Variants in NFASC observed in about 807,000 individuals in gnomAD.
The protein encoded by NFASC is neurofascin.
NFASC carries 43 observed loss-of-function variants against 147.5 expected under a neutral mutation model. The observed-to-expected ratio is 0.29, with a 90% CI of 0.23 to 0.38. NFASC has a LOEUF of 0.38. Among genes scored for constraint, NFASC ranks in the 10% least tolerant of loss-of-function variants. NFASC has a pLI of 1.00. For missense variants in NFASC, 1,320 were observed against 1,689.0 expected (o/e 0.78, Z 3.83); for synonymous variants, 622 against 665.5 (o/e 0.93, Z 1.01).
intron 11 of NFASC, 114 bp from the exon 12 acceptor site, chr1:204,973,162 T>C (rs2095308280): frequency 1.8e-6 from 2 of 1,102,994 alleles, no homozygotes; most frequent in African/African-American, 1.5e-5. Context: ...TGGCCCCCCA[T>C]CTGGTGCTCC....
intron 1 of NFASC, among the ~76,000 whole-genome samples, chr1:204,851,120 T>G (rs976576046): frequency 3.3e-5 from 5 of 152,158 alleles, no homozygotes; most frequent in African/African-American, 1.2e-4. Flanking sequence ...AACAAAGAAG[T>G]GCATGTAAAT....
intron 1 of NFASC, among the ~76,000 whole-genome samples, chr1:204,848,016 G>C (rs1401416836): frequency 6.6e-6 from 1 of 152,128 alleles, no homozygotes; most frequent in Admixed American, 6.5e-5. Context: ...CTCTGCTTTT[G>C]TCTTCCCATT....
intron 21 of NFASC, chr1:204,985,905 C>T (rs571434120): frequency 1.2e-5 from 20 of 1,608,986 alleles, no homozygotes; most frequent in Admixed American, 1.7e-5. Context: ...GCCTCTGTCC[C>T]GAAGGCCTAC....
At position 204,974,541 on chromosome 1, in the gene NFASC, T is replaced by C. The variant is rs764608742; in HGVS notation, c.1392-116T>C. 41 of 1,250,606 alleles carry C rather than the reference T, an allele frequency of 3.3e-5. 1 individual carries two copies. In the South Asian group the frequency reaches 4.3e-4, roughly 13 times the overall value. 77.5% of individuals were successfully genotyped at this position (1,250,606 alleles called of 1,614,324 possible). ...GACCCTCCGAGGCTCAGGGCTCCAG[T>C]CTCCTAGCATGGGGCTCCTTCCACA... On this transcript the variant is annotated intron_variant, in intron 13 of 29. Coordinates refer to ENST00000339876, the MANE Select transcript of NFASC (RefSeq NM_001005388.3).
At chr1:204,932,476 T>A (rs956485583) in intron 2 of NFASC, among the ~76,000 whole-genome samples, 23 of 151,810 alleles carry the variant, frequency 1.5e-4, no homozygotes, top group African/African-American at 5.6e-4. Flanking sequence ...GGTGTCAGCC[T>A]CAAGAATTTC....
chr1:204,969,810 G>T (rs2095155156), intron 10 of NFASC, among the ~76,000 whole-genome samples: 1 of 152,140 alleles, frequency 6.6e-6, no homozygotes. Context: ...GGGCGTGGTG[G>T]CTCATGCCTG....
intron 16 of NFASC, 147 bp downstream of exon 16, chr1:204,976,942 CAGGGTT>C (rs2150383135): frequency 7.0e-7 from 1 of 1,426,602 alleles, no homozygotes; most frequent in African/African-American, 1.4e-5. Context: ...CTCGTGATGT[CAGGGTT>C]AGGGAGCTGC....
intron 24 of NFASC, among the ~76,000 whole-genome samples, chr1:204,992,336 T>TGG (rs2095754380): frequency 6.6e-6 from 1 of 152,178 alleles, no homozygotes; most frequent in East Asian, 1.9e-4. Flanking sequence ...ATGAAGGGGA[T>TGG]GCCACCTTGC....
intron 2 of NFASC, among the ~76,000 whole-genome samples, chr1:204,921,557 C>T (rs1486207865): frequency 6.6e-6 from 1 of 151,936 alleles, no homozygotes; most frequent in Admixed American, 6.6e-5. Flanking sequence ...GGGGGAGGGG[C>T]GTGGAGAGGG....
At chr1:204,860,043 G>GT (rs1244133335) in intron 1 of NFASC, among the ~76,000 whole-genome samples, 1 of 152,130 alleles carries the variant, frequency 6.6e-6, no homozygotes, top group Non-Finnish European at 1.5e-5. Flanking sequence ...GAAGAGTGTG[G>GT]CGTGGGCTGC....
chr1:204,962,121 T>C (rs746900371), intron 8 of NFASC: 1 of 1,613,694 alleles, frequency 6.2e-7, no homozygotes, highest in Non-Finnish European at 8.5e-7. Flanking sequence ...ACCCTTATAA[T>C]GACTCGTCCT....
At chr1:204,906,662 C>A (rs2085953123) in intron 1 of NFASC, among the ~76,000 whole-genome samples, 1 of 151,090 alleles carries the variant, frequency 6.6e-6, no homozygotes, top group Non-Finnish European at 1.5e-5. Context: ...TATTCTCATG[C>A]AGTTTTTTGT....
chr1:204,997,745 G>A (rs766393817), intron 25 of NFASC: 1 of 428,670 alleles, frequency 2.3e-6, no homozygotes. Context: ...ACCGCCTCCA[G>A]CTACATGTCA....
chr1:204,950,492 C>T (rs954688168), intron 3 of NFASC, 65 bp from the exon 4 acceptor site: 15 of 1,484,754 alleles, frequency 1.0e-5, no homozygotes, highest in Middle Eastern at 1.7e-4. Flanking sequence ...GATGCCTGGG[C>T]GGTTGTGTGC....
At chr1:204,978,934 C>A in intron 17 of NFASC, 34 bp from the exon 18 acceptor site, 1 of 1,506,306 alleles carries the variant, frequency 6.6e-7, no homozygotes, top group Non-Finnish European at 9.0e-7. Context: ...CCTGCTCTAA[C>A]TCAGGAGGCC....
chr1:204,869,762 G>C (rs1342898414), intron 1 of NFASC, among the ~76,000 whole-genome samples: 1 of 152,126 alleles, frequency 6.6e-6, no homozygotes, highest in African/African-American at 2.4e-5. Context: ...CTGCTCCAGA[G>C]CTCTTATAAT....
At chr1:204,991,411 G>A in intron 24 of NFASC, 105 bp downstream of exon 24, 2 of 1,187,884 alleles carry the variant, frequency 1.7e-6, no homozygotes, top group Non-Finnish European at 2.4e-6. Flanking sequence ...CTGAAAGCAT[G>A]CTCCAGACTC....
chr1:204,982,887 C>T lies in NFASC; in HGVS notation c.2470+867C>T, dbSNP rs113029489. On this transcript the variant is annotated intron_variant, in intron 21 of 29. Transcript: ENST00000339876. ...AACTTAGAAGGAGCAGTCAAGAGTA[C>T]GGCCAGTGGCATTCCTAACAGTGAG... is the stretch of plus-strand genomic sequence containing the variant. 1.7e-4 allele frequency among the ~76,000 whole-genome samples: 26 copies of T among 152,278 alleles called. 1 individual carries two copies. The highest frequency in any genetic ancestry group is 6.8e-3 in the Middle Eastern group (2 of 294).
In NFASC at chr1:204,957,898, A is replaced by G. The variant is rs557262084; in HGVS notation, c.706+72A>G. Reference sequence around the variant, plus strand: ...CCACTGATCCCACCCAGCCCTAGGTACCTGAGTCTATAGGGGGAGACTTGT... The same window carrying G: ...CCACTGATCCCACCCAGCCCTAGGTGCCTGAGTCTATAGGGGGAGACTTGT... On this transcript the variant is annotated intron_variant, in intron 8 of 29. Coordinates refer to ENST00000339876, the MANE Select transcript of NFASC (RefSeq NM_001005388.3). The G allele has an allele frequency of 2.7e-4, 393 of 1,440,140 alleles. 3 individuals are homozygous for G. The South Asian group carries it at 4.4e-3, about 16-fold the overall frequency. 89.2% of individuals were successfully genotyped at this position (1,440,140 alleles called of 1,614,324 possible).
Sources: gnomAD v4.1 joint callset for allele counts (sites outside exome capture counted in the v4.1 genomes callset) on GRCh38, gnomAD v4.1.1 for gene constraint, MANE v1.5 for transcripts, NCBI Gene and HGNC (gene_info 2026-07-23, HGNC 2026-07-21) for gene names.